The following REDIC1 variants were observed in gnomAD, a reference collection of about 807,000 sequenced individuals.
REDIC1 encodes the protein regulator of DNA class I crossover intermediates 1, also known as HEI10 Interacting Protein 1.
At chr12:39,765,074 C>A in the REDIC1 span, among the ~76,000 whole-genome samples, 2 of 151,864 alleles carry the variant, frequency 1.3e-5, no homozygotes, top group Non-Finnish European at 2.9e-5. Context: ...ACAAAGACAC[C>A]GTGTTTTATA....
the REDIC1 span, among the ~76,000 whole-genome samples, chr12:39,716,592 G>T: frequency 6.6e-6 from 1 of 152,010 alleles, no homozygotes; most frequent in African/African-American, 2.4e-5. Flanking sequence ...TGTCAGAATT[G>T]TAAGGTGCCA....
the REDIC1 span, among the ~76,000 whole-genome samples, chr12:39,711,953 A>G: frequency 7.7e-6 from 1 of 129,882 alleles, no homozygotes; most frequent in Non-Finnish European, 1.7e-5. Context: ...ATGTATACAT[A>G]CATATATATC....
At chr12:39,879,590 C>T in the REDIC1 span, among the ~76,000 whole-genome samples, 48 of 152,296 alleles carry the variant, frequency 3.2e-4, no homozygotes, top group African/African-American at 8.9e-4. Flanking sequence ...CCTGTACCCC[C>T]TTTCTTCCTT....
At chr12:39,850,320 G>T in the REDIC1 span, among the ~76,000 whole-genome samples, 1 of 152,110 alleles carries the variant, frequency 6.6e-6, no homozygotes, top group Non-Finnish European at 1.5e-5. Context: ...GCAGCCTCCG[G>T]ATATTAAAAA....
the REDIC1 span, among the ~76,000 whole-genome samples, chr12:39,739,868 T>A: frequency 6.6e-6 from 1 of 152,260 alleles, no homozygotes; most frequent in Admixed American, 6.5e-5. Context: ...GATGTGATGT[T>A]GTGCCAATTC....
chr12:39,638,543 C>T, the REDIC1 span, among the ~76,000 whole-genome samples: 1 of 152,060 alleles, frequency 6.6e-6, no homozygotes, highest in Non-Finnish European at 1.5e-5. Context: ...CTGTTTGAAT[C>T]AGCCAAATAT....
chr12:39,669,873 T>C, the REDIC1 span, among the ~76,000 whole-genome samples: 2 of 152,210 alleles, frequency 1.3e-5, no homozygotes, highest in South Asian at 4.2e-4. Flanking sequence ...TAATTTCCTG[T>C]TGTGCTGTTT....
At chr12:39,656,300 G>T in the REDIC1 span, among the ~76,000 whole-genome samples, 1 of 152,102 alleles carries the variant, frequency 6.6e-6, no homozygotes, top group Non-Finnish European at 1.5e-5. Context: ...AGTCAACAAT[G>T]AATGGCATAT....
At chr12:39,700,143 G>A in the REDIC1 span, among the ~76,000 whole-genome samples, 5 of 152,178 alleles carry the variant, frequency 3.3e-5, no homozygotes, top group Non-Finnish European at 2.9e-5. Flanking sequence ...ATTACTCCGA[G>A]CTATGGGAGG....
chr12:39,830,303 T>G, the REDIC1 span: 1 of 1,548,170 alleles, frequency 6.5e-7, no homozygotes, highest in South Asian at 1.3e-5. Context: ...TCCATGTGCT[T>G]CTCTGCATTT....
the REDIC1 span, among the ~76,000 whole-genome samples, chr12:39,690,253 G>A: frequency 2.0e-5 from 3 of 152,212 alleles, no homozygotes; most frequent in African/African-American, 7.2e-5. Context: ...CTTGGATGGG[G>A]ACATGTGGTG....
chr12:39,803,605 T>G, the REDIC1 span, among the ~76,000 whole-genome samples: 1 of 151,894 alleles, frequency 6.6e-6, no homozygotes, highest in Admixed American at 6.6e-5. Flanking sequence ...GAAAAAAGAA[T>G]CCTTCAACAG....
chr12:39,730,715 G>A, the REDIC1 span, among the ~76,000 whole-genome samples: 24 of 152,260 alleles, frequency 1.6e-4, no homozygotes, highest in South Asian at 1.7e-3. Context: ...TAGGTTGGGG[G>A]AGTTCTCCTG....
At chr12:39,630,628 A>T in the REDIC1 span, among the ~76,000 whole-genome samples, 1 of 152,212 alleles carries the variant, frequency 6.6e-6, no homozygotes, top group African/African-American at 2.4e-5. Context: ...AGGCCAAAAT[A>T]GGATATAAAA....
chr12:39,673,330 C>T, the REDIC1 span, among the ~76,000 whole-genome samples: 4 of 152,180 alleles, frequency 2.6e-5, no homozygotes, highest in South Asian at 2.1e-4. Flanking sequence ...TTAGTAGAGT[C>T]GGTCTGGCCC....
At chr12:39,871,267 A>G in the REDIC1 span, among the ~76,000 whole-genome samples, 1 of 152,198 alleles carries the variant, frequency 6.6e-6, no homozygotes, top group Non-Finnish European at 1.5e-5. Context: ...TAGAAAATAC[A>G]TTTAACCAAC....
the REDIC1 span, among the ~76,000 whole-genome samples, chr12:39,864,523 A>G: frequency 2.6e-5 from 4 of 152,170 alleles, no homozygotes; most frequent in Admixed American, 2.6e-4. Flanking sequence ...CCAGAGAAAC[A>G]TCACCAAGAT....
the REDIC1 span, among the ~76,000 whole-genome samples, chr12:39,868,724 A>T: frequency 1.3e-5 from 2 of 152,190 alleles, no homozygotes; most frequent in Admixed American, 1.3e-4. Flanking sequence ...TCCAATATTA[A>T]AGAATCAAGA....
At chr12:39,849,510 AT>A in the REDIC1 span, among the ~76,000 whole-genome samples, 1 of 152,154 alleles carries the variant, frequency 6.6e-6, no homozygotes, top group Non-Finnish European at 1.5e-5. Flanking sequence ...GAGGCTGTTT[AT>A]TGAGGTGCTC....
Sources: allele counts gnomAD v4.1 joint callset (sites outside exome capture counted in the v4.1 genomes callset), GRCh38; gene constraint gnomAD v4.1.1; transcripts MANE v1.5; gene names NCBI Gene and HGNC (gene_info 2026-07-23, HGNC 2026-07-21).